The following SYNE2 variants were observed in gnomAD, a reference collection of about 807,000 sequenced individuals.
SYNE2 encodes spectrin repeat containing nuclear envelope protein 2.
Under a neutral mutation model 856.3 loss-of-function variants are expected in SYNE2, and 431 were observed. That is an observed-to-expected ratio of 0.50 (90% CI 0.47 to 0.55). The LOEUF is 0.55. SYNE2 is among the 20% of genes least tolerant of loss of function. The pLI, the probability that SYNE2 is intolerant of heterozygous loss-of-function variation, is 0.00. For synonymous variants in SYNE2, 2,923 were observed against 2,872.3 expected, an observed-to-expected ratio of 1.02 and a Z score of -0.56; for missense variants, 8,129 against 8,023.2, an observed-to-expected ratio of 1.01 and a Z score of -0.50.
Position 64,219,124 on chromosome 14 carries a change from T to TTTTTTA in SYNE2, c.19658-84_19658-83insTTTTTA, listed in dbSNP as rs369808458. The TTTTTTA allele has an allele frequency of 9.7e-3, 8,094 of 838,586 alleles. 117 individuals carry two copies. Among genetic ancestry groups the TTTTTTA allele is most frequent in the Non-Finnish European group, 0.012 (6,512 of 553,290 alleles). The allele number at this position is 838,586 out of a possible 1,614,324, so 51.9% of individuals were successfully genotyped here. ...TTTTTGTTTTTTTTTTTTTTTTTTT[T>TTTTTTA]AACCACCCTGACCCCTAATTAGCTG... On this transcript the variant is annotated intron_variant, in intron 109 of 115. Transcript: ENST00000555002.
chr14:63,894,910 G>A (rs1052569679), intron 1 of SYNE2, among the ~76,000 whole-genome samples: 1 of 152,082 alleles, frequency 6.6e-6, no homozygotes. Context: ...AGAGTGATGG[G>A]ACATAAATCT....
intron 10 of SYNE2, among the ~76,000 whole-genome samples, 190 bp downstream of exon 10, chr14:63,964,190 T>G (rs2096359455): frequency 6.6e-6 from 1 of 152,260 alleles, no homozygotes; most frequent in South Asian, 2.1e-4. Flanking sequence ...CCTGTTAAAA[T>G]GCACATTCTG....
intron 83 of SYNE2, among the ~76,000 whole-genome samples, chr14:64,144,932 T>TC (rs2098169045): frequency 6.7e-6 from 1 of 149,794 alleles, no homozygotes; most frequent in Non-Finnish European, 1.5e-5. Context: ...GCTTTTTTTT[T>TC]TTTTTTTTTT....
chr14:63,977,840 G>T, intron 12 of SYNE2, 65 bp from the exon 13 acceptor site: 1 of 1,141,636 alleles, frequency 8.8e-7, no homozygotes, highest in South Asian at 1.2e-5. Context: ...AAGTGAGATT[G>T]ACAAACCCTT....
At chr14:64,172,108 C>G (rs1471326040) in intron 94 of SYNE2, among the ~76,000 whole-genome samples, 3 of 152,188 alleles carry the variant, frequency 2.0e-5, no homozygotes, top group African/African-American at 7.2e-5. Flanking sequence ...ACCTCAGCTT[C>G]CCAAAGTGCT....
At chr14:63,921,572 G>C (rs1309751357) in intron 2 of SYNE2, among the ~76,000 whole-genome samples, 3 of 152,046 alleles carry the variant, frequency 2.0e-5, no homozygotes, top group African/African-American at 7.2e-5. Flanking sequence ...AAAAGGAGAG[G>C]GTAGGAAACA....
At chr14:64,061,972 T>C (rs1250903953) in intron 49 of SYNE2, among the ~76,000 whole-genome samples, 1 of 152,242 alleles carries the variant, frequency 6.6e-6, no homozygotes, top group Non-Finnish European at 1.5e-5. Flanking sequence ...TCCTTGTCAA[T>C]TTATTCATGC....
intron 84 of SYNE2, 32 bp downstream of exon 84, chr14:64,146,255 G>C (rs374924168): frequency 6.3e-7 from 1 of 1,577,308 alleles, no homozygotes. Context: ...CACCCAACCC[G>C]CGAGCTGGGG....
intron 49 of SYNE2, among the ~76,000 whole-genome samples, chr14:64,061,462 C>T (rs188423856): frequency 2.2e-4 from 33 of 152,262 alleles, no homozygotes; most frequent in Middle Eastern, 3.4e-3. Flanking sequence ...ATGATTTTGC[C>T]AATTTCCACT....
At chr14:64,127,900 A>AT (rs1032404980) in intron 73 of SYNE2, among the ~76,000 whole-genome samples, 2 of 152,120 alleles carry the variant, frequency 1.3e-5, no homozygotes, top group African/African-American at 2.4e-5. Flanking sequence ...CAAATGACCC[A>AT]TTTTTTCACA....
At chr14:63,835,314 A>ACCT (rs1374954379) in intron 1 of SYNE2, among the ~76,000 whole-genome samples, 1 of 151,986 alleles carries the variant, frequency 6.6e-6, no homozygotes, top group East Asian at 1.9e-4. Flanking sequence ...GCTCACTGCA[A>ACCT]CCTCTGCCTC....
At chr14:63,785,491 A>C (rs1887487292) in intron 1 of SYNE2, among the ~76,000 whole-genome samples, 1 of 151,930 alleles carries the variant, frequency 6.6e-6, no homozygotes, top group South Asian at 2.1e-4. Flanking sequence ...CAAAAAAAAC[A>C]CCTGGCACAC....
intron 6 of SYNE2, among the ~76,000 whole-genome samples, chr14:63,945,892 T>A (rs2096018492): frequency 6.6e-6 from 1 of 152,220 alleles, no homozygotes; most frequent in East Asian, 1.9e-4. Context: ...CAGAACGTTC[T>A]TGTATATACC....
chr14:63,974,880 GTGTGTGTGTGTGTATATA>G (rs2096525008), intron 11 of SYNE2, among the ~76,000 whole-genome samples: 13 of 28,556 alleles, frequency 4.6e-4, no homozygotes, highest in East Asian at 1.5e-3. Flanking sequence ...GTGTGTGTGT[GTGTGTGTGTGTGTATATA>G]TATATATATA....
intron 78 of SYNE2, among the ~76,000 whole-genome samples, 154 bp from the exon 79 acceptor site, chr14:64,137,633 C>T (rs1372641600): frequency 6.6e-6 from 1 of 152,200 alleles, no homozygotes; most frequent in Non-Finnish European, 1.5e-5. Context: ...AACCATTAAT[C>T]ATGCATCCAG....
In SYNE2 at chr14:64,158,750, G is replaced by A. The variant is rs767882664; in HGVS notation, c.15918G>A (p.Val5306=). 2 of 1,613,934 alleles carry A rather than the reference G, an allele frequency of 1.2e-6. No individual in the cohort carries two copies. Among genetic ancestry groups the A allele is most frequent in the Non-Finnish European group, 8.5e-7 (1 of 1,179,900 alleles). Residue 5306 remains valine (V), a synonymous_variant, in exon 86 of 116, where the codon GTG becomes GTA. Coordinates refer to ENST00000555002, the MANE Select transcript of SYNE2 (RefSeq NM_182914.3). ...FWYCMEHSKP[V]VLSLETLRCQ... is the part of the protein sequence containing the mutation. ...ACTGCATGGAACACAGCAAGCCTGT[G>A]GTGTTATCATTGGAGACCTTGAGAT...
chr14:63,761,757 T>C (rs905716975), upstream of SYNE2, among the ~76,000 whole-genome samples: 2 of 152,230 alleles, frequency 1.3e-5, no homozygotes, highest in Non-Finnish European at 1.5e-5. Context: ...CCTTCTGCTA[T>C]CTTCTCAAAT....
At chr14:63,769,161 G>C (rs1886798049) in intron 1 of SYNE2, among the ~76,000 whole-genome samples, 1 of 152,220 alleles carries the variant, frequency 6.6e-6, no homozygotes, top group African/African-American at 2.4e-5. Flanking sequence ...CTTGTAGGAA[G>C]TAACCAGAGC....
chr14:63,918,331 A>G (rs935030802), intron 2 of SYNE2, among the ~76,000 whole-genome samples: 1 of 152,244 alleles, frequency 6.6e-6, no homozygotes, highest in African/African-American at 2.4e-5. Flanking sequence ...TCTAATTTCA[A>G]CATTGGTGAT....
Sources: allele counts gnomAD v4.1 joint callset (sites outside exome capture counted in the v4.1 genomes callset), GRCh38; gene constraint gnomAD v4.1.1; transcripts MANE v1.5; gene names NCBI Gene and HGNC (gene_info 2026-07-23, HGNC 2026-07-21).